ERG: variants seen among roughly 807,000 people sequenced by gnomAD.
The protein encoded by ERG is transcriptional regulator ERG.
ERG carries 9 observed loss-of-function variants against 55.3 expected under a neutral mutation model. The ratio of observed to expected loss-of-function variants is 0.16; its 90% CI spans 0.10 to 0.28. ERG has a LOEUF of 0.28. ERG is among the 10% of genes least tolerant of loss of function. The probability of loss-of-function intolerance (pLI) is 1.00; values close to 1 mark genes in which losing one functional copy is unlikely to be tolerated. For missense variants in ERG, 434 were observed against 631.6 expected (o/e 0.69, Z 3.35); for synonymous variants, 223 against 237.3 (o/e 0.94, Z 0.55).
At chr21:38,449,633 T>G (rs1226790606) in intron 1 of ERG, among the ~76,000 whole-genome samples, 1 of 152,242 alleles carries the variant, frequency 6.6e-6, no homozygotes, top group Non-Finnish European at 1.5e-5. Context: ...GAATGCATAC[T>G]GACATTTTCA....
chr21:38,470,915 G>C (rs2059133311), intron 1 of ERG: 1 of 152,198 alleles, frequency 6.6e-6, no homozygotes, highest in Admixed American at 6.5e-5. Context: ...GACTGGACCA[G>C]GAGCCAGGGG....
At chr21:38,647,761 T>C (rs1185775132) in intron 1 of ERG, among the ~76,000 whole-genome samples, 1 of 152,208 alleles carries the variant, frequency 6.6e-6, no homozygotes, top group Non-Finnish European at 1.5e-5. Flanking sequence ...TTCTCTAAGT[T>C]GGGAATTGAA....
intron 1 of ERG, among the ~76,000 whole-genome samples, chr21:38,605,902 A>AATAG (rs563122495): frequency 1.1e-4 from 17 of 151,996 alleles, no homozygotes; most frequent in African/African-American, 3.1e-4. Flanking sequence ...ATAGATAAAT[A>AATAG]ATAGATAGAT....
chr21:38,421,335 A>G (rs1254428198), intron 3 of ERG, among the ~76,000 whole-genome samples: 1 of 152,192 alleles, frequency 6.6e-6, no homozygotes, highest in African/African-American at 2.4e-5. Flanking sequence ...AATCAGGCAC[A>G]ACCCCAAAGG....
intron 2 of ERG, among the ~76,000 whole-genome samples, chr21:38,508,415 C>G (rs2059486341): frequency 6.6e-6 from 1 of 152,060 alleles, no homozygotes. Flanking sequence ...AAAATACCGG[C>G]TGTAAGAACG....
In ERG at chr21:38,530,050, T is replaced by C. The variant is rs149965403; in HGVS notation, c.-41+45612A>G. ...CCTGGAACAGAAGACACGAGGACTTTTGGTTTTTTAGTTTTGTTTTTGTTT... is the reference window on the plus strand; with the variant it reads ...CCTGGAACAGAAGACACGAGGACTTCTGGTTTTTTAGTTTTGTTTTTGTTT... On this transcript the variant is annotated intron_variant, in intron 2 of 8. Coordinates refer to the ERG transcript ENST00000398897. 1.4e-4 allele frequency among the ~76,000 whole-genome samples: 22 copies of C among 152,186 alleles called. No individual in the cohort carries two copies. The East Asian group carries it at 4.2e-3, about 29-fold the overall frequency.
intron 1 of ERG, among the ~76,000 whole-genome samples, chr21:38,618,579 A>T (rs1204095203): frequency 1.3e-5 from 2 of 152,176 alleles, no homozygotes; most frequent in African/African-American, 4.8e-5. Flanking sequence ...TTAAAACAGA[A>T]CTTAACAAAA....
intron 1 of ERG, among the ~76,000 whole-genome samples, chr21:38,659,505 A>C (rs1227389744): frequency 3.3e-5 from 5 of 152,226 alleles, no homozygotes; most frequent in Non-Finnish European, 7.3e-5. Context: ...GCTCTAAACT[A>C]CTTGGAGAGA....
Position 38,656,843 on chromosome 21 carries a change from T to C in ERG, c.-150+4815A>G, listed in dbSNP as rs542524139. ...GGGTTTCCTATTTTTTAAAAGTCAT[T>C]CTATATATGCCTGTTTTCTTTCCTA... On this transcript the variant is annotated intron_variant, in intron 1 of 10. Coordinates refer to the ERG transcript ENST00000398910. Among the ~76,000 whole-genome samples the C allele has an allele frequency of 6.6e-5, 10 of 152,318 alleles. No homozygotes were observed. In the East Asian group the frequency reaches 1.7e-3, roughly 26 times the overall value.
chr21:38,579,389 C>T (rs2060014154), intron 1 of ERG, among the ~76,000 whole-genome samples: 1 of 152,058 alleles, frequency 6.6e-6, no homozygotes, highest in Non-Finnish European at 1.5e-5. Context: ...CTTGAGGGAT[C>T]GAGATGGGAA....
chr21:38,458,574 T>A (rs1045831023), intron 1 of ERG, among the ~76,000 whole-genome samples: 1 of 152,196 alleles, frequency 6.6e-6, no homozygotes, highest in Non-Finnish European at 1.5e-5. Context: ...GCAATATTTA[T>A]CCAAGCAATA....
intron 1 of ERG, among the ~76,000 whole-genome samples, chr21:38,629,752 G>GTA (rs1454704812): frequency 3.9e-5 from 6 of 152,080 alleles, no homozygotes; most frequent in Non-Finnish European, 7.4e-5. Flanking sequence ...ATACTTCTGG[G>GTA]TATATACACA....
At chr21:38,619,982 G>A (rs958945891) in intron 1 of ERG, among the ~76,000 whole-genome samples, 5 of 152,188 alleles carry the variant, frequency 3.3e-5, no homozygotes, top group Admixed American at 1.3e-4. Context: ...ATTCAGACTC[G>A]AAATGCTTTG....
At chr21:38,556,192 T>C (rs894664493) in intron 2 of ERG, among the ~76,000 whole-genome samples, 3 of 152,054 alleles carry the variant, frequency 2.0e-5, no homozygotes, top group Admixed American at 6.6e-5. Context: ...TTTCAAAAAA[T>C]TGAAAAAATA....
At chr21:38,657,437 T>G (rs1015070) in intron 1 of ERG, among the ~76,000 whole-genome samples, 123,680 of 152,132 alleles carry the variant, frequency 0.81, 50,678 homozygotes, top group African/African-American at 0.92. Flanking sequence ...ATTTCTTGGT[T>G]TTGTCTACAT....
intron 2 of ERG, among the ~76,000 whole-genome samples, chr21:38,440,740 G>GATTGTGCC (rs925677521): frequency 3.3e-4 from 47 of 143,294 alleles, no homozygotes; most frequent in South Asian, 2.1e-3. Flanking sequence ...AGTGAGCCGA[G>GATTGTGCC]ATTGTGCCAT....
intron 2 of ERG, among the ~76,000 whole-genome samples, chr21:38,429,937 T>A (rs1990128651): frequency 1.3e-5 from 2 of 152,204 alleles, no homozygotes; most frequent in African/African-American, 4.8e-5. Flanking sequence ...CTTCTAATTT[T>A]CCATACTGTT....
intron 1 of ERG, among the ~76,000 whole-genome samples, chr21:38,653,001 G>A (rs558089478): frequency 1.3e-4 from 20 of 152,246 alleles, no homozygotes; most frequent in African/African-American, 3.9e-4. Context: ...CAGATTGCAC[G>A]GCATTCGCAT....
intron 1 of ERG, among the ~76,000 whole-genome samples, chr21:38,620,271 G>T (rs1004719330): frequency 6.6e-6 from 1 of 152,088 alleles, no homozygotes; most frequent in Non-Finnish European, 1.5e-5. Flanking sequence ...GGGATGAAGA[G>T]GTTATGCAAC....
Sources: allele counts gnomAD v4.1 joint callset (sites outside exome capture counted in the v4.1 genomes callset), GRCh38; gene constraint gnomAD v4.1.1; transcripts MANE v1.5; gene names NCBI Gene and HGNC (gene_info 2026-07-23, HGNC 2026-07-21).